The following PCDHGB3 variants were observed in gnomAD, a reference collection of about 807,000 sequenced individuals.
The protein encoded by PCDHGB3 is protocadherin gamma subfamily B, 3, also known as protocadherin gamma-B3.
A neutral mutation model predicts 59.2 loss-of-function variants in PCDHGB3; 40 were observed. That is an observed-to-expected ratio of 0.68 (90% CI 0.52 to 0.88). PCDHGB3 has a LOEUF of 0.88. Among genes scored for constraint, PCDHGB3 ranks in the 40% least tolerant of loss-of-function variants. The pLI is 0.00. For missense variants in PCDHGB3, 1,309 were observed against 1,187.9 expected (o/e 1.10, Z -1.50); for synonymous variants, 581 against 503.6 (o/e 1.15, Z -2.06).
chr5:141,394,826 C>G, intron 1 of PCDHGB3: 1 of 1,613,882 alleles, frequency 6.2e-7, no homozygotes, highest in Non-Finnish European at 8.5e-7. Context: ...TCCCCGAAGT[C>G]CTGACCGAGT....
Position 141,383,719 on chromosome 5 carries a change from A to C in PCDHGB3, c.2415+10910A>C, listed in dbSNP as rs779948364. The C allele has an allele frequency of 6.2e-6, 10 of 1,613,982 alleles. No individual in the cohort carries two copies. The East Asian group carries it at 2.2e-4, about 36-fold the overall frequency. ...TGCTATCGACCTGGACGAGGGAGTCAATGGGGAAGTGACATATTCTTTTCG... is the reference window on the plus strand; with the variant it reads ...TGCTATCGACCTGGACGAGGGAGTCCATGGGGAAGTGACATATTCTTTTCG... On this transcript the variant is annotated intron_variant, in intron 1 of 3. Transcript: ENST00000576222.
chr5:141,440,563 T>C (rs1048420758), intron 1 of PCDHGB3: 3 of 152,250 alleles, frequency 2.0e-5, no homozygotes, highest in Admixed American at 6.5e-5. Flanking sequence ...TTAAGTTACG[T>C]ATCTCTGAGT....
At chr5:141,423,644 A>G in intron 1 of PCDHGB3, 1 of 1,592,866 alleles carries the variant, frequency 6.3e-7, no homozygotes, top group South Asian at 1.1e-5. Context: ...GGCAAATGTG[A>G]CCCGACAAGT....
chr5:141,428,344 G>T (rs970552377), intron 1 of PCDHGB3: 3 of 596,498 alleles, frequency 5.0e-6, no homozygotes, highest in Non-Finnish European at 6.1e-6. Flanking sequence ...CTTCTTCCTC[G>T]CAGTGATTTT....
intron 1 of PCDHGB3, among the ~76,000 whole-genome samples, chr5:141,446,174 G>A (rs1242027176): frequency 1.3e-5 from 2 of 152,062 alleles, no homozygotes; most frequent in Non-Finnish European, 2.9e-5. Context: ...GAGGGCAGGG[G>A]GTGTTTTGTT....
chr5:141,431,554 C>A lies in PCDHGB3; in HGVS notation c.2415+58745C>A, dbSNP rs766242338. On this transcript the variant is annotated intron_variant, in intron 1 of 3. Coordinates refer to ENST00000576222, the MANE Select transcript of PCDHGB3 (RefSeq NM_018924.5). The surrounding 1 kb of genome is among the most constrained non-coding windows in gnomAD (Gnocchi z 4.8). ...TGGGCACGCAGCTGCTTGTAGTCAA[C>A]GCTACCGACCCTGACGAAGGAGTCA... 1.2e-6 allele frequency: 2 copies of A among 1,614,008 alleles called. No individual in the cohort carries two copies. Among genetic ancestry groups the A allele is most frequent in the African/African-American group, 1.3e-5 (1 of 74,942 alleles).
chr5:141,392,844 G>C lies in PCDHGB3; in HGVS notation c.2415+20035G>C, dbSNP rs201895231. On this transcript the variant is annotated intron_variant, in intron 1 of 3. Coordinates refer to ENST00000576222, the MANE Select transcript of PCDHGB3 (RefSeq NM_018924.5). ...CGCTCCACAGAGTCGCCCCAGACGCGGCGAGCTGATCCTGCTGTGCGCGCT... is the reference window on the plus strand; with the variant it reads ...CGCTCCACAGAGTCGCCCCAGACGCCGCGAGCTGATCCTGCTGTGCGCGCT... 32 of 1,609,468 alleles carry C rather than the reference G, an allele frequency of 2.0e-5. No homozygotes were observed. The highest frequency in any genetic ancestry group is 2.5e-5 in the Non-Finnish European group (29 of 1,177,978).
intron 1 of PCDHGB3, chr5:141,440,019 G>A (rs747595475): frequency 6.5e-5 from 10 of 153,114 alleles, no homozygotes; most frequent in Non-Finnish European, 8.8e-5. Flanking sequence ...AAGGATCTGG[G>A]ACTCAGTGTC....
At chr5:141,427,869 A>G in intron 1 of PCDHGB3, 3 of 1,559,604 alleles carry the variant, frequency 1.9e-6, no homozygotes, top group Non-Finnish European at 2.6e-6. Flanking sequence ...CTTCGAGCTC[A>G]CGATGCAGGC....
intron 1 of PCDHGB3, among the ~76,000 whole-genome samples, chr5:141,456,363 G>A (rs1233146015): frequency 6.6e-6 from 1 of 152,098 alleles, no homozygotes; most frequent in African/African-American, 2.4e-5. Flanking sequence ...GTCCATGTGT[G>A]GTTCAGTTTA....
In PCDHGB3 at chr5:141,400,641, G is replaced by C. The variant is rs1427284697; in HGVS notation, c.2415+27832G>C. On this transcript the variant is annotated intron_variant, in intron 1 of 3. Coordinates refer to ENST00000576222, the MANE Select transcript of PCDHGB3 (RefSeq NM_018924.5). ...GTCTTAGGGAAGTCAGAGCTGCTCA[G>C]AAAGCTGTCCTACCATTCTTTAAGA... The C allele has an allele frequency of 9.3e-6, 12 of 1,288,952 alleles. No homozygotes were observed. The East Asian group carries it at 2.8e-4, about 30-fold the overall frequency. 79.8% of individuals were successfully genotyped at this position (1,288,952 alleles called of 1,614,324 possible). A position where few individuals can be genotyped will look rare whatever the true frequency, so the allele number is the denominator to read the frequency against.
At chr5:141,443,199 G>C (rs936013020) in intron 1 of PCDHGB3, among the ~76,000 whole-genome samples, 1 of 152,002 alleles carries the variant, frequency 6.6e-6, no homozygotes. Context: ...ATAGTACAAA[G>C]AGCTTGTCTC....
rs567174433 is a variant in PCDHGB3, at chr5:141,443,351, G to A, written c.2416-51456G>A. On this transcript the variant is annotated intron_variant, in intron 1 of 3. Coordinates refer to ENST00000576222, the MANE Select transcript of PCDHGB3 (RefSeq NM_018924.5). ...AAAACAAAAATTAACAAGGTTTAGT[G>A]GTCCATGCCTGTGGTCTCAGCTACT... 6.6e-5 allele frequency among the ~76,000 whole-genome samples: 10 copies of A among 152,072 alleles called. No homozygotes were observed. The South Asian group carries it at 2.1e-3, about 32-fold the overall frequency.
intron 1 of PCDHGB3, among the ~76,000 whole-genome samples, chr5:141,402,461 C>A (rs892900332): frequency 1.3e-5 from 2 of 151,994 alleles, no homozygotes; most frequent in East Asian, 3.8e-4. Context: ...GTTTACATAT[C>A]TAGAAATAGA....
At chr5:141,416,004 A>G (rs1225801773) in intron 1 of PCDHGB3, 2 of 254,264 alleles carry the variant, frequency 7.9e-6, no homozygotes, top group Non-Finnish European at 1.4e-5. Flanking sequence ...CAGGTCTGGT[A>G]AGAATAGGTA....
intron 1 of PCDHGB3, among the ~76,000 whole-genome samples, chr5:141,450,783 G>A (rs2879228): frequency 0.25 from 37,099 of 150,510 alleles, 4,810 homozygotes; most frequent in Admixed American, 0.32. Flanking sequence ...CACCGTGCCC[G>A]GACCTCATGA....
intron 1 of PCDHGB3, chr5:141,374,344 G>A (rs1770398551): frequency 6.2e-7 from 1 of 1,614,034 alleles, no homozygotes; most frequent in Non-Finnish European, 8.5e-7. Context: ...TGGTCACCGC[G>A]GGTAGGATAG....
rs758172004 is a variant in PCDHGB3, at chr5:141,477,909, C to T, written c.2416-16898C>T. On this transcript the variant is annotated intron_variant, in intron 1 of 3. Transcript: ENST00000576222. This position sits in a 1 kb window ranked among gnomAD's most constrained non-coding sequence, Gnocchi z 4.9. ...GTGTCACGGGTGGTAGGCTGGGACGCGGATGCAGGGCACAATGCCTGGCTC... is the reference window on the plus strand; with the variant it reads ...GTGTCACGGGTGGTAGGCTGGGACGTGGATGCAGGGCACAATGCCTGGCTC... 2 of 1,614,166 alleles carry T rather than the reference C, an allele frequency of 1.2e-6. No individual in the cohort carries two copies. Among genetic ancestry groups the T allele is most frequent in the Admixed American group, 1.7e-5 (1 of 60,016 alleles).
At chr5:141,409,235 C>A (rs1471024804) in intron 1 of PCDHGB3, 1 of 1,613,832 alleles carries the variant, frequency 6.2e-7, no homozygotes, top group East Asian at 2.2e-5. Context: ...CGACAACAGC[C>A]CAGAAATAAT....
Sources: gnomAD v4.1 joint callset for allele counts (sites outside exome capture counted in the v4.1 genomes callset) on GRCh38, gnomAD v4.1.1 for gene constraint, Gnocchi (gnomAD v3.1) non-coding constraint, MANE v1.5 for transcripts, NCBI Gene and HGNC (gene_info 2026-07-23, HGNC 2026-07-21) for gene names.